SLC24A2: variants seen among roughly 807,000 people sequenced by gnomAD.
SLC24A2 encodes solute carrier family 24 member 2, also known as sodium/potassium/calcium exchanger 2.
In SLC24A2, 36 loss-of-function variants were observed where a neutral mutation model predicts 62.0. The observed-to-expected ratio is 0.58, with a 90% confidence interval of 0.44 to 0.77. SLC24A2 has a LOEUF of 0.77. SLC24A2 is among the 30% of genes least tolerant of loss of function. The pLI, the probability that SLC24A2 is intolerant of heterozygous loss-of-function variation, is 0.00. For missense variants in SLC24A2, 846 were observed against 817.9 expected (o/e 1.03, Z -0.42); for synonymous variants, 358 against 294.0 (o/e 1.22, Z -2.23).
the SLC24A2 span, among the ~76,000 whole-genome samples, chr9:20,279,027 ATG>A: frequency 6.6e-6 from 1 of 152,210 alleles, no homozygotes; most frequent in African/African-American, 2.4e-5. Flanking sequence ...AAGGAGAAGA[ATG>A]AGAGCAAAAT....
At chr9:20,187,403 C>CG in the SLC24A2 span, among the ~76,000 whole-genome samples, 1 of 152,182 alleles carries the variant, frequency 6.6e-6, no homozygotes, top group Non-Finnish European at 1.5e-5. Flanking sequence ...CCTGACCCCC[C>CG]GTTGCTTACT....
Position 19,576,994 on chromosome 9 carries a change from G to A in SLC24A2, c.1158C>T (p.Leu386=). Residue 386 remains leucine (L), a synonymous_variant, in exon 6 of 11, where the codon CTC becomes CTT. Transcript: ENST00000341998. The part of the protein sequence containing the change: ...EGRFREKASI[L]HKIAKKKCHV... ...GACATTTCTTCTTGGCGATCTTGTG[G>A]AGAATTGAAGCCTTTTCTCTGAACC... The A allele has an allele frequency of 6.2e-7, 1 of 1,614,134 alleles. No individual in the cohort carries two copies. The highest frequency in any genetic ancestry group is 1.3e-5 in the African/African-American group (1 of 75,046).
At chr9:19,560,862 T>C (rs1835353379) in intron 7 of SLC24A2, among the ~76,000 whole-genome samples, 1 of 151,812 alleles carries the variant, frequency 6.6e-6, no homozygotes, top group Admixed American at 6.6e-5. Flanking sequence ...TCTTTTAATT[T>C]CTCAATGTCT....
chr9:20,299,869 C>T, the SLC24A2 span, among the ~76,000 whole-genome samples: 1 of 152,234 alleles, frequency 6.6e-6, no homozygotes, highest in Non-Finnish European at 1.5e-5. Flanking sequence ...CTTTTCACTA[C>T]ATCATGCTGC....
chr9:19,564,434 T>G (rs537152197), intron 7 of SLC24A2, among the ~76,000 whole-genome samples: 1 of 152,234 alleles, frequency 6.6e-6, no homozygotes, highest in Non-Finnish European at 1.5e-5. Context: ...AGAAAGAGCT[T>G]AATATGGCAA....
the SLC24A2 span, among the ~76,000 whole-genome samples, chr9:20,256,413 A>G: frequency 2.0e-5 from 3 of 152,324 alleles, no homozygotes; most frequent in Non-Finnish European, 4.4e-5. Flanking sequence ...TACACAATGA[A>G]GGCAGACAGT....
At chr9:20,280,949 A>G in the SLC24A2 span, among the ~76,000 whole-genome samples, 1 of 152,182 alleles carries the variant, frequency 6.6e-6, no homozygotes, top group Non-Finnish European at 1.5e-5. Flanking sequence ...ATCTGGAGGA[A>G]CAAATGGTCT....
At position 19,510,903 on chromosome 9, in the gene SLC24A2, C is replaced by A. The variant is rs2132603582; in HGVS notation, c.*5250G>T. ...ATTTGCTTGTCCTTTGTAGCTGCTT[C>A]TTACTCTTTCTTAAGAAATCTGTCC... On this transcript the variant is annotated 3_prime_UTR_variant, in exon 11 of 11. Transcript: ENST00000341998. The A allele has an allele frequency of 6.6e-6, 1 of 152,334 alleles. No individual in the cohort carries two copies. The highest frequency in any genetic ancestry group is 2.4e-5 in the African/African-American group (1 of 41,562). The allele number at this position is 152,334 out of a possible 1,614,324, so 9.4% of individuals were successfully genotyped here.
the SLC24A2 span, among the ~76,000 whole-genome samples, chr9:19,891,033 G>A: frequency 3.3e-5 from 5 of 152,162 alleles, no homozygotes; most frequent in South Asian, 2.1e-4. Flanking sequence ...CACTTGTTAA[G>A]TAAAACACCT....
chr9:20,253,676 T>C, the SLC24A2 span, among the ~76,000 whole-genome samples: 2 of 152,186 alleles, frequency 1.3e-5, no homozygotes, highest in Non-Finnish European at 2.9e-5. Flanking sequence ...GCCAGGTGAT[T>C]CTCTGTGCAG....
At chr9:19,861,804 G>A in the SLC24A2 span, among the ~76,000 whole-genome samples, 11 of 152,178 alleles carry the variant, frequency 7.2e-5, no homozygotes, top group South Asian at 2.3e-3. Context: ...ACTGAAGAAT[G>A]CATCAGAGTC....
chr9:20,254,198 C>T, the SLC24A2 span, among the ~76,000 whole-genome samples: 10 of 152,164 alleles, frequency 6.6e-5, no homozygotes, highest in African/African-American at 1.4e-4. Flanking sequence ...TGGATTGAGG[C>T]ACTTGGAATT....
At chr9:20,213,975 G>A in the SLC24A2 span, among the ~76,000 whole-genome samples, 2 of 152,068 alleles carry the variant, frequency 1.3e-5, no homozygotes, top group African/African-American at 4.8e-5. Context: ...GTTTTTCTGT[G>A]ACTGACTTAT....
chr9:19,853,272 C>G, the SLC24A2 span, among the ~76,000 whole-genome samples: 2 of 152,166 alleles, frequency 1.3e-5, no homozygotes, highest in Non-Finnish European at 2.9e-5. Flanking sequence ...ATTTGACTTT[C>G]TCTCTTCTTA....
intron 8 of SLC24A2, among the ~76,000 whole-genome samples, chr9:19,536,051 C>T (rs1163304591): frequency 1.3e-5 from 2 of 151,708 alleles, no homozygotes; most frequent in African/African-American, 2.4e-5. Flanking sequence ...TGAAGAGGTC[C>T]TTCACATCCC....
the SLC24A2 span, among the ~76,000 whole-genome samples, chr9:20,127,810 A>G: frequency 6.6e-6 from 1 of 152,178 alleles, no homozygotes; most frequent in Non-Finnish European, 1.5e-5. Flanking sequence ...GGCAGTAGGC[A>G]TGAATAAATT....
chr9:19,890,992 T>C, the SLC24A2 span, among the ~76,000 whole-genome samples: 1 of 152,228 alleles, frequency 6.6e-6, no homozygotes, highest in Non-Finnish European at 1.5e-5. Context: ...GCCTACCTTC[T>C]TCTCTGATCA....
chr9:19,649,197 T>C (rs1339772138), intron 2 of SLC24A2, among the ~76,000 whole-genome samples: 1 of 152,106 alleles, frequency 6.6e-6, no homozygotes, highest in Non-Finnish European at 1.5e-5. Context: ...TATAGCTAAA[T>C]AGCTTTGATA....
chr9:19,866,384 A>G, the SLC24A2 span, among the ~76,000 whole-genome samples: 3 of 152,220 alleles, frequency 2.0e-5, no homozygotes, highest in Admixed American at 2.0e-4. Flanking sequence ...AATATATTGA[A>G]GCTATATTTG....
Sources: allele counts gnomAD v4.1 joint callset (sites outside exome capture counted in the v4.1 genomes callset), GRCh38; gene constraint gnomAD v4.1.1; transcripts MANE v1.5; gene names NCBI Gene and HGNC (gene_info 2026-07-23, HGNC 2026-07-21).